ARL13B: variants seen among roughly 807,000 people sequenced by gnomAD.
ARL13B encodes the protein ADP-ribosylation factor-like protein 13B.
ARL13B carries 36 observed loss-of-function variants against 56.1 expected under a neutral mutation model. The observed-to-expected ratio is 0.64, with a 90% CI of 0.49 to 0.85. ARL13B has a LOEUF of 0.85. Ranked by LOEUF, ARL13B falls within the 40% of genes least tolerant of loss-of-function variation. The probability of loss-of-function intolerance (pLI) is 0.00; values close to 1 mark genes in which losing one functional copy is unlikely to be tolerated. For missense variants in ARL13B, 519 were observed against 507.1 expected, an observed-to-expected ratio of 1.02 and a Z score of -0.23; for synonymous variants, 178 against 171.1, an observed-to-expected ratio of 1.04 and a Z score of -0.32.
intron 2 of ARL13B, among the ~76,000 whole-genome samples, chr3:94,000,157 C>T (rs920977471): frequency 6.6e-6 from 1 of 152,054 alleles, no homozygotes; most frequent in Non-Finnish European, 1.5e-5. Flanking sequence ...TAGTGAGAGC[C>T]GATTATGCAT....
intron 2 of ARL13B, among the ~76,000 whole-genome samples, chr3:93,998,294 A>C (rs528940053): frequency 1.3e-5 from 2 of 152,252 alleles, no homozygotes; most frequent in South Asian, 4.1e-4. Flanking sequence ...CTAATTTGTT[A>C]TGTATACTGG....
At chr3:94,035,261 G>T in intron 3 of ARL13B, 70 bp from the exon 4 acceptor site, 3 of 1,063,862 alleles carry the variant, frequency 2.8e-6, no homozygotes, top group Non-Finnish European at 4.2e-6. Flanking sequence ...AAAAGAATGT[G>T]GTCAAAATAT....
At chr3:94,047,025 C>T (rs1164752050) in intron 7 of ARL13B, among the ~76,000 whole-genome samples, 1 of 152,012 alleles carries the variant, frequency 6.6e-6, no homozygotes, top group African/African-American at 2.4e-5. Flanking sequence ...GTCTTAGTTT[C>T]TTCATCTCTA....
chr3:93,982,342 T>C (rs1318800886), intron 1 of ARL13B, among the ~76,000 whole-genome samples: 1 of 152,214 alleles, frequency 6.6e-6, no homozygotes, highest in Admixed American at 6.5e-5. Context: ...TCTAGATTTG[T>C]CCTGTCCAGT....
At chr3:94,022,050 A>G (rs2076460437) in intron 3 of ARL13B, among the ~76,000 whole-genome samples, 1 of 152,048 alleles carries the variant, frequency 6.6e-6, no homozygotes, top group South Asian at 2.1e-4. Context: ...TCAGCTCCTT[A>G]GCTATATGTT....
intron 3 of ARL13B, among the ~76,000 whole-genome samples, chr3:94,021,534 A>G (rs1387747499): frequency 6.6e-6 from 1 of 152,154 alleles, no homozygotes; most frequent in Non-Finnish European, 1.5e-5. Context: ...CCAGGTATAG[A>G]TACTTAAAGA....
chr3:94,003,192 A>T (rs1333597969), intron 2 of ARL13B, among the ~76,000 whole-genome samples: 1 of 152,194 alleles, frequency 6.6e-6, no homozygotes, highest in Non-Finnish European at 1.5e-5. Flanking sequence ...CAGCTAATTA[A>T]AAAAGAGTGG....
intron 3 of ARL13B, chr3:94,015,173 C>A (rs2076304785): frequency 1.2e-6 from 2 of 1,613,828 alleles, no homozygotes; most frequent in East Asian, 2.2e-5. Context: ...TGTAGAAACA[C>A]CCCTTGTTCC....
intron 3 of ARL13B, among the ~76,000 whole-genome samples, chr3:94,005,617 G>A (rs1039039749): frequency 2.0e-5 from 3 of 152,166 alleles, no homozygotes; most frequent in Non-Finnish European, 4.4e-5. Flanking sequence ...TAAACTCATA[G>A]TTAGTGAGAA....
intron 3 of ARL13B, among the ~76,000 whole-genome samples, chr3:94,005,346 A>G (rs1364283593): frequency 6.6e-6 from 1 of 152,196 alleles, no homozygotes; most frequent in Non-Finnish European, 1.5e-5. Flanking sequence ...GGTAGTGATG[A>G]CAAGGGTCTG....
chr3:93,995,751 A>G, intron 1 of ARL13B, 123 bp from the exon 2 acceptor site: 1 of 846,916 alleles, frequency 1.2e-6, no homozygotes, highest in East Asian at 2.7e-5. Flanking sequence ...CCTAGCATCC[A>G]ACAGATTTTC....
intron 3 of ARL13B, among the ~76,000 whole-genome samples, chr3:94,018,146 C>T (rs2076371221): frequency 1.3e-5 from 2 of 152,094 alleles, no homozygotes; most frequent in Admixed American, 6.5e-5. Flanking sequence ...CATCTGTTCG[C>T]CTTGTCCTCC....
intron 3 of ARL13B, among the ~76,000 whole-genome samples, chr3:94,021,640 A>T (rs577717409): frequency 6.6e-6 from 1 of 152,172 alleles, no homozygotes; most frequent in African/African-American, 2.4e-5. Context: ...TATACATCTG[A>T]TAAGAACTAG....
At chr3:94,048,336 G>GA (rs915119874) in intron 7 of ARL13B, among the ~76,000 whole-genome samples, 1 of 151,628 alleles carries the variant, frequency 6.6e-6, no homozygotes. Context: ...AGAGAGTGAG[G>GA]AAAAAAAATT....
intron 1 of ARL13B, 27 bp downstream of exon 1, chr3:93,980,509 G>A (rs746520974): frequency 3.7e-6 from 6 of 1,607,298 alleles, no homozygotes; most frequent in Non-Finnish European, 5.1e-6. Flanking sequence ...TGTCCTGGCC[G>A]TCCTAGGGGT....
rs1576071299 is a variant in ARL13B at position 94,055,585 on chromosome 3, C to G, written c.*2322C>G. 1 of 453,704 alleles carries G rather than the reference C, an allele frequency of 2.2e-6. No homozygotes were observed. Among genetic ancestry groups the G allele is most frequent in the Admixed American group, 2.4e-5 (1 of 42,530 alleles). 28.1% of individuals were successfully genotyped at this position (453,704 alleles called of 1,614,324 possible). A position where few individuals can be genotyped will look rare whatever the true frequency, so the allele number is the denominator to read the frequency against. ...TGTTTTTATGTATTTAAAAGAGGCT[C>G]TTGTGTGCCTTTATGTGTAAAATGC... On this transcript the variant is annotated 3_prime_UTR_variant, in exon 10 of 10. Transcript: ENST00000394222.
At chr3:94,005,640 T>C (rs1288625449) in intron 3 of ARL13B, among the ~76,000 whole-genome samples, 1 of 152,212 alleles carries the variant, frequency 6.6e-6, no homozygotes, top group Non-Finnish European at 1.5e-5. Flanking sequence ...CACAAAGATA[T>C]AAGAATTAAT....
intron 3 of ARL13B, among the ~76,000 whole-genome samples, chr3:94,024,169 C>T (rs2076507721): frequency 6.6e-6 from 1 of 152,132 alleles, no homozygotes; most frequent in Non-Finnish European, 1.5e-5. Context: ...GGATCTCGCT[C>T]TTTTGTCCAG....
chr3:94,048,648 A>C (rs1255375380), intron 7 of ARL13B, among the ~76,000 whole-genome samples: 1 of 151,726 alleles, frequency 6.6e-6, no homozygotes, highest in Admixed American at 6.6e-5. Context: ...GCTGGATGGC[A>C]GTGTCACAAT....
Sources: gnomAD v4.1 joint callset for allele counts (sites outside exome capture counted in the v4.1 genomes callset) on GRCh38, gnomAD v4.1.1 for gene constraint, MANE v1.5 for transcripts, NCBI Gene and HGNC (gene_info 2026-07-23, HGNC 2026-07-21) for gene names.